ADGRV1: variants seen among roughly 807,000 people sequenced by gnomAD.
The protein encoded by ADGRV1 is G-protein coupled receptor 98.
ADGRV1 carries 359 observed loss-of-function variants against 596.2 expected under a neutral mutation model. The observed-to-expected ratio is 0.60, with a 90% CI of 0.55 to 0.66. The LOEUF (loss-of-function observed/expected upper bound fraction) is 0.66. ADGRV1 is among the 30% of genes least tolerant of loss of function. The probability of loss-of-function intolerance (pLI) is 0.00; values close to 1 mark genes in which losing one functional copy is unlikely to be tolerated. For synonymous variants in ADGRV1, 2,681 were observed against 2,679.2 expected, an observed-to-expected ratio of 1.00 and a Z score of -0.02; for missense variants, 7,274 against 7,575.6, an observed-to-expected ratio of 0.96 and a Z score of 1.48.
intron 89 of ADGRV1, among the ~76,000 whole-genome samples, chr5:91,158,889 AT>A (rs2126948024): frequency 6.6e-6 from 1 of 152,074 alleles, no homozygotes; most frequent in African/African-American, 2.4e-5. Context: ...GGATGGATGG[AT>A]GGATGGATGG....
intron 38 of ADGRV1, among the ~76,000 whole-genome samples, chr5:90,708,448 T>TCC (rs1748895100): frequency 6.6e-6 from 1 of 150,704 alleles, no homozygotes; most frequent in African/African-American, 2.5e-5. Context: ...TTTTTTTTTT[T>TCC]CCATGGTGTT....
At chr5:90,748,781 C>T (rs908502658) in intron 52 of ADGRV1, among the ~76,000 whole-genome samples, 1 of 150,742 alleles carries the variant, frequency 6.6e-6, no homozygotes, top group Non-Finnish European at 1.5e-5. Flanking sequence ...TTCTTCATGA[C>T]ACTTATAATT....
intron 88 of ADGRV1, 52 bp from the exon 89 acceptor site, chr5:91,153,169 G>A: frequency 1.4e-6 from 2 of 1,458,980 alleles, no homozygotes; most frequent in Non-Finnish European, 1.9e-6. Context: ...CATAGTGAAT[G>A]TGTATGCATT....
intron 83 of ADGRV1, among the ~76,000 whole-genome samples, chr5:90,879,662 T>C (rs1769567312): frequency 6.6e-6 from 1 of 152,278 alleles, no homozygotes; most frequent in South Asian, 2.1e-4. Flanking sequence ...TTTAAATTAT[T>C]TTGGCCAGGC....
At chr5:90,644,638 T>G in intron 14 of ADGRV1, 68 bp from the exon 15 acceptor site, 1 of 1,249,606 alleles carries the variant, frequency 8.0e-7, no homozygotes, top group Non-Finnish European at 1.1e-6. Flanking sequence ...ATTTAACCGA[T>G]TTCTTTACTC....
At chr5:90,596,811 G>A (rs932718652) in intron 1 of ADGRV1, among the ~76,000 whole-genome samples, 1 of 151,452 alleles carries the variant, frequency 6.6e-6, no homozygotes, top group Non-Finnish European at 1.5e-5. Flanking sequence ...CATGGGGAGA[G>A]GGCGAGGGCG....
chr5:91,072,468 T>TG lies in ADGRV1; in HGVS notation c.18175dup (p.Ala6059GlyfsTer35). On this transcript the variant is annotated frameshift_variant, in exon 86 of 90. Transcript: ENST00000405460. LOFTEE classifies it high-confidence loss of function. ...CCAGGTGTTTTATTCCAAACGTCTA[T>TG]GCTGCTTTGTTCACTGCAGCTCTTG... 6.2e-7 allele frequency: 1 copy of TG among 1,613,736 alleles called. No individual in the cohort carries two copies. The highest frequency in any genetic ancestry group is 1.1e-5 in the South Asian group (1 of 91,078).
At chr5:90,560,791 T>A (rs1392689037) in intron 1 of ADGRV1, among the ~76,000 whole-genome samples, 3 of 152,174 alleles carry the variant, frequency 2.0e-5, no homozygotes, top group Non-Finnish European at 4.4e-5. Context: ...TCTCAGAAAG[T>A]GATCATATGA....
intron 17 of ADGRV1, 45 bp downstream of exon 17, chr5:90,647,809 T>C: frequency 6.5e-7 from 1 of 1,547,520 alleles, no homozygotes; most frequent in Non-Finnish European, 8.8e-7. Flanking sequence ...CTCAGTGCTT[T>C]AATAAGATGA....
chr5:90,606,516 A>T (rs1485585764), intron 1 of ADGRV1, among the ~76,000 whole-genome samples: 1 of 152,110 alleles, frequency 6.6e-6, no homozygotes, highest in Non-Finnish European at 1.5e-5. Flanking sequence ...AAGGAAACAA[A>T]AGGGCATTGT....
chr5:91,102,671 C>T (rs1404890896), intron 87 of ADGRV1, among the ~76,000 whole-genome samples: 1 of 152,150 alleles, frequency 6.6e-6, no homozygotes, highest in Non-Finnish European at 1.5e-5. Flanking sequence ...AAGATCAATG[C>T]ACATATTTGG....
intron 59 of ADGRV1, among the ~76,000 whole-genome samples, chr5:90,770,061 T>C (rs947713344): frequency 6.6e-6 from 1 of 152,130 alleles, no homozygotes; most frequent in African/African-American, 2.4e-5. Flanking sequence ...ATTAGTTTGT[T>C]CTCACACTGC....
At chr5:90,815,598 G>GC in intron 74 of ADGRV1, 21 bp from the exon 75 acceptor site, 1 of 1,264,450 alleles carries the variant, frequency 7.9e-7, no homozygotes, top group Non-Finnish European at 1.1e-6. Context: ...ATATATTATA[G>GC]CCCTCCATTC....
intron 83 of ADGRV1, among the ~76,000 whole-genome samples, chr5:90,916,664 G>A (rs563325069): frequency 1.6e-5 from 2 of 123,546 alleles, no homozygotes; most frequent in East Asian, 2.3e-4. Context: ...ACGGAGTCTC[G>A]CTCTGTCGCC....
At chr5:91,109,049 T>C (rs1220867275) in intron 87 of ADGRV1, among the ~76,000 whole-genome samples, 2 of 152,182 alleles carry the variant, frequency 1.3e-5, no homozygotes, top group Admixed American at 1.3e-4. Context: ...TTTAGGAAAA[T>C]GTATGTGTAA....
intron 87 of ADGRV1, among the ~76,000 whole-genome samples, chr5:91,143,689 A>C (rs1345190502): frequency 6.6e-6 from 1 of 152,162 alleles, no homozygotes; most frequent in Non-Finnish European, 1.5e-5. Context: ...TTCCCACTCC[A>C]GTTTGCAGGA....
At chr5:91,089,717 G>A (rs1393043694) in intron 86 of ADGRV1, among the ~76,000 whole-genome samples, 2 of 152,166 alleles carry the variant, frequency 1.3e-5, no homozygotes, top group Non-Finnish European at 2.9e-5. Flanking sequence ...GCTAACTGAT[G>A]TCTTATCAAA....
intron 41 of ADGRV1, among the ~76,000 whole-genome samples, chr5:90,711,871 G>C (rs1297062688): frequency 1.3e-5 from 2 of 152,118 alleles, no homozygotes; most frequent in African/African-American, 4.8e-5. Flanking sequence ...CCACCTCCCA[G>C]GTTCAAGCAA....
At chr5:90,925,772 C>T (rs1439716877) in intron 83 of ADGRV1, among the ~76,000 whole-genome samples, 1 of 134,902 alleles carries the variant, frequency 7.4e-6, no homozygotes, top group Admixed American at 7.6e-5. Flanking sequence ...GTGGGTTTGT[C>T]ATAGATAGCT....
Sources: gnomAD v4.1 joint callset for allele counts (sites outside exome capture counted in the v4.1 genomes callset) on GRCh38, gnomAD v4.1.1 for gene constraint, MANE v1.5 for transcripts, NCBI Gene and HGNC (gene_info 2026-07-23, HGNC 2026-07-21) for gene names.